Variants in AFAP1L2 observed in about 807,000 individuals in gnomAD.
The protein encoded by AFAP1L2 is actin filament associated protein 1 like 2.
A neutral mutation model predicts 99.3 loss-of-function variants in AFAP1L2; 46 were observed. The ratio of observed to expected loss-of-function variants is 0.46; its 90% CI spans 0.37 to 0.59. The LOEUF (loss-of-function observed/expected upper bound fraction) is 0.59. AFAP1L2 is among the 20% of genes least tolerant of loss of function. AFAP1L2 has a pLI of 0.00. For missense variants in AFAP1L2, 959 were observed against 1,034.9 expected (o/e 0.93, Z 1.01); for synonymous variants, 397 against 419.1 (o/e 0.95, Z 0.64).
intron 1 of AFAP1L2, among the ~76,000 whole-genome samples, chr10:114,371,784 A>G (rs1178877017): frequency 1.4e-5 from 2 of 147,364 alleles, no homozygotes; most frequent in African/African-American, 2.5e-5. Flanking sequence ...TGTTCTGCAC[A>G]TGTATCCCAG....
At chr10:114,355,061 C>T (rs966317082) in intron 1 of AFAP1L2, among the ~76,000 whole-genome samples, 3 of 152,196 alleles carry the variant, frequency 2.0e-5, no homozygotes, top group African/African-American at 7.2e-5. Flanking sequence ...AGCACAAAAT[C>T]GACAGGACCA....
the AFAP1L2 span, among the ~76,000 whole-genome samples, chr10:114,283,654 T>C: frequency 6.6e-6 from 1 of 152,268 alleles, no homozygotes; most frequent in Non-Finnish European, 1.5e-5. Context: ...CTTCCTCATC[T>C]GTCATATAGG....
intron 2 of AFAP1L2, among the ~76,000 whole-genome samples, chr10:114,338,498 C>A (rs138171391): frequency 6.6e-6 from 1 of 152,166 alleles, no homozygotes; most frequent in Non-Finnish European, 1.5e-5. Context: ...TGTTCCTAGC[C>A]GCCTCCTTCG....
chr10:114,399,894 C>T (rs2058078361), intron 1 of AFAP1L2, among the ~76,000 whole-genome samples: 2 of 152,204 alleles, frequency 1.3e-5, no homozygotes, highest in African/African-American at 4.8e-5. Flanking sequence ...CACAGAACAA[C>T]TAGCATCGAA....
Position 114,305,405 on chromosome 10 carries a change from C to T in AFAP1L2, c.1073-475G>A, listed in dbSNP as rs1218666869. 9.7e-5 allele frequency among the ~76,000 whole-genome samples: 7 copies of T among 72,458 alleles called. 1 individual carries two copies. Among genetic ancestry groups the T allele is most frequent in the Admixed American group, 1.8e-4 (1 of 5,480 alleles). The allele number at this position is 72,458 out of a possible 152,430, so 47.5% of individuals were successfully genotyped here. On this transcript the variant is annotated intron_variant, in intron 10 of 18. Transcript: ENST00000304129. ...AGCGGGGCTGCAGGAGGGGACGGCG[C>T]TGCAGAAGGAGATGCAGATGCAGGA...
rs1010752550 is a variant in AFAP1L2 at position 114,308,826 on chromosome 10, TGA to T, written c.883-311_883-310del. Reference sequence around the variant, plus strand: ...CTGTCAAGCTAGAAACCACTCATACTGAGAGTGTGAAGAAGTCTTTTGAGAGC... The same window carrying T: ...CTGTCAAGCTAGAAACCACTCATACTGAGTGTGAAGAAGTCTTTTGAGAGC... On this transcript the variant is annotated intron_variant, in intron 8 of 18. Coordinates refer to ENST00000304129, the MANE Select transcript of AFAP1L2 (RefSeq NM_001001936.3). 3.9e-5 allele frequency among the ~76,000 whole-genome samples: 6 copies of T among 152,230 alleles called. 1 individual carries two copies. The highest frequency in any genetic ancestry group is 1.4e-4 in the African/African-American group (6 of 41,476).
At chr10:114,341,657 T>A (rs1025397232) in intron 1 of AFAP1L2, among the ~76,000 whole-genome samples, 1 of 150,032 alleles carries the variant, frequency 6.7e-6, no homozygotes, top group Non-Finnish European at 1.5e-5. Flanking sequence ...CCACACCTGG[T>A]TCCTCAGAAG....
chr10:114,339,994 G>C (rs190203848), intron 2 of AFAP1L2, among the ~76,000 whole-genome samples: 4 of 136,008 alleles, frequency 2.9e-5, no homozygotes, highest in South Asian at 4.9e-4. Context: ...CTGGGCAACA[G>C]AGCAAGACCC....
At chr10:114,354,275 T>A (rs2050975505) in intron 1 of AFAP1L2, among the ~76,000 whole-genome samples, 1 of 152,126 alleles carries the variant, frequency 6.6e-6, no homozygotes, top group South Asian at 2.1e-4. Context: ...TAGCAGGTGG[T>A]TCTGAATGGC....
chr10:114,287,504 C>G, the AFAP1L2 span, among the ~76,000 whole-genome samples: 294 of 152,258 alleles, frequency 1.9e-3, no homozygotes, highest in Non-Finnish European at 2.9e-3. Context: ...GAGTTCTCCC[C>G]TTGGTAGGTG....
chr10:114,299,394 C>T lies in AFAP1L2; in HGVS notation c.1979G>A (p.Arg660Gln), dbSNP rs762830121. 11 of 1,614,036 alleles carry T rather than the reference C, an allele frequency of 6.8e-6. No individual in the cohort carries two copies. The highest frequency in any genetic ancestry group is 5.0e-5 in the Admixed American group (3 of 59,996). Residue 660 changes from arginine (R) to glutamine (Q), a missense_variant, in exon 16 of 19, where the codon CGG (arginine) becomes CAG (glutamine). Arg to Gln is a conservative substitution (Grantham distance 43). This residue lies in a region of AFAP1L2 where 576 missense variants were observed against 562.1 expected (regional missense o/e 1.02). Transcript: ENST00000304129. ...GTACCGCTTCACCTCAGCTTCTGTC[C>T]GATTCTTGCCAAGCTTGATCTCTAC... ...TSAEIKLGKN[R>Q]TEAEVKRYTE...
In AFAP1L2 at chr10:114,300,463, T is replaced by C; in HGVS notation, c.1770A>G (p.Pro590=). 2 of 1,613,594 alleles carry C rather than the reference T, an allele frequency of 1.2e-6. No homozygotes were observed. Among genetic ancestry groups the C allele is most frequent in the East Asian group, 4.5e-5 (2 of 44,862 alleles). The change falls in exon 14 of 19, where the codon CCA becomes CCG. Residue 590 remains proline (P), a synonymous_variant. Transcript: ENST00000304129. ...CCTGTACCTGTTCTCCCAGGTTCTC[T>C]GGACACTTTATGCAGGGCTCATCTG... is the stretch of plus-strand genomic sequence containing the variant. ...PTPDEPCIKC[P]ENLGEQQLES...
chr10:114,349,786 T>G (rs1019706705), intron 1 of AFAP1L2, among the ~76,000 whole-genome samples: 1 of 120,178 alleles, frequency 8.3e-6, no homozygotes, highest in Non-Finnish European at 1.6e-5. Flanking sequence ...TTTTTCTTTA[T>G]CTCCATCTCC....
intron 1 of AFAP1L2, among the ~76,000 whole-genome samples, chr10:114,365,536 G>A (rs1043992347): frequency 6.6e-6 from 1 of 152,028 alleles, no homozygotes; most frequent in African/African-American, 2.4e-5. Flanking sequence ...TCTTTATCCT[G>A]TATAGAAAAC....
chr10:114,354,946 G>C (rs1198980899), intron 1 of AFAP1L2, among the ~76,000 whole-genome samples: 1 of 152,138 alleles, frequency 6.6e-6, no homozygotes, highest in Non-Finnish European at 1.5e-5. Context: ...TTGAACAAAT[G>C]GTGGCTCCAT....
At chr10:114,317,392 C>T (rs897890707) in intron 5 of AFAP1L2, among the ~76,000 whole-genome samples, 8 of 152,022 alleles carry the variant, frequency 5.3e-5, no homozygotes, top group African/African-American at 1.9e-4. Context: ...CTGAAAATAG[C>T]AGTATTACCC....
chr10:114,382,754 C>T (rs1024289163), intron 1 of AFAP1L2, among the ~76,000 whole-genome samples: 2 of 151,954 alleles, frequency 1.3e-5, no homozygotes, highest in East Asian at 1.9e-4. Context: ...TGCCACCACA[C>T]CTGGTTAATT....
chr10:114,396,661 GA>G (rs1347083273), intron 1 of AFAP1L2, among the ~76,000 whole-genome samples: 1 of 151,898 alleles, frequency 6.6e-6, no homozygotes, highest in Non-Finnish European at 1.5e-5. Flanking sequence ...TTTATTGGTA[GA>G]AAAAAAAGAC....
At chr10:114,379,931 TG>T (rs1439056971) in intron 1 of AFAP1L2, among the ~76,000 whole-genome samples, 24 of 152,216 alleles carry the variant, frequency 1.6e-4, no homozygotes, top group Admixed American at 1.4e-3. Context: ...TGCGACTTTA[TG>T]GGGCTTTGTA....
Sources: allele counts gnomAD v4.1 joint callset (sites outside exome capture counted in the v4.1 genomes callset), GRCh38; gene constraint gnomAD v4.1.1; regional missense constraint gnomAD v4.1.1; transcripts MANE v1.5; gene names NCBI Gene and HGNC (gene_info 2026-07-23, HGNC 2026-07-21).